Variants in LMO7 observed in about 807,000 individuals in gnomAD.
LMO7 encodes the protein LIM domain 7.
In LMO7, 120 loss-of-function variants were observed where a neutral mutation model predicts 206.5. That is an observed-to-expected ratio of 0.58 (90% CI 0.50 to 0.68). LMO7 has a LOEUF of 0.68. Among genes scored for constraint, LMO7 ranks in the 30% least tolerant of loss-of-function variants. The pLI, the probability that LMO7 is intolerant of heterozygous loss-of-function variation, is 0.00. For synonymous variants in LMO7, 706 were observed against 681.5 expected, an observed-to-expected ratio of 1.04 and a Z score of -0.56; for missense variants, 1,959 against 1,957.9, an observed-to-expected ratio of 1.00 and a Z score of -0.01.
At position 75,626,577 on chromosome 13, in the gene LMO7, T is replaced by TATATATATATATATATATATATATA. The variant is rs71127564; in HGVS notation, c.225+3257_225+3258insATATATATATATATATATATATATA. ...ATTGTCTACCCTCTTAACATATATATTATATATATATATATAAATTTTTTT... is the reference window on the plus strand; with the variant it reads ...ATTGTCTACCCTCTTAACATATATATATATATATATATATATATATATATATATATATATATATATAAATTTTTTT... On this transcript the variant is annotated intron_variant, in intron 2 of 29. Transcript: ENST00000341547. Among the ~76,000 whole-genome samples the TATATATATATATATATATATATATA allele has an allele frequency of 1.8e-3, 133 of 74,426 alleles. 14 individuals carry two copies. Among genetic ancestry groups the TATATATATATATATATATATATATA allele is most frequent in the African/African-American group, 4.5e-3 (104 of 22,878 alleles). The allele number at this position is 74,426 out of a possible 152,430, so 48.8% of individuals were successfully genotyped here.
At chr13:75,774,858 C>T (rs2050173893) in intron 4 of LMO7, among the ~76,000 whole-genome samples, 2 of 151,930 alleles carry the variant, frequency 1.3e-5, no homozygotes. Flanking sequence ...ATGAAATTAC[C>T]ATTTGGTTAT....
chr13:75,815,213 A>G (rs775036339), intron 11 of LMO7, among the ~76,000 whole-genome samples: 2 of 152,084 alleles, frequency 1.3e-5, no homozygotes, highest in African/African-American at 2.4e-5. Flanking sequence ...TGATGTGATA[A>G]TTGTTATAAT....
At chr13:75,691,805 C>T (rs988998014) in intron 1 of LMO7, among the ~76,000 whole-genome samples, 1 of 152,002 alleles carries the variant, frequency 6.6e-6, no homozygotes, top group Admixed American at 6.6e-5. Flanking sequence ...GATACTGACC[C>T]CCCATTCACC....
chr13:75,768,971 A>C (rs912813009), intron 4 of LMO7, among the ~76,000 whole-genome samples: 1 of 152,138 alleles, frequency 6.6e-6, no homozygotes, highest in Non-Finnish European at 1.5e-5. Flanking sequence ...GGCATTAAAA[A>C]ATTATAAATA....
chr13:75,723,660 T>A (rs2138482355), intron 2 of LMO7, among the ~76,000 whole-genome samples: 1 of 152,256 alleles, frequency 6.6e-6, no homozygotes, highest in Middle Eastern at 3.4e-3. Context: ...TTAAAGTGGG[T>A]TATATTCACT....
rs654431 is a variant in LMO7, at chr13:75,806,276, A to G, written c.1196+516A>G. ...GATGAGCCCAGGTGCCCCTGTCTGC[A>G]TGAGCCTGCCTGCTGCGGGTCTGGC... On this transcript the variant is annotated intron_variant, in intron 9 of 30. Coordinates refer to ENST00000377534, the MANE Select transcript of LMO7 (RefSeq NM_001306080.2). 3.4e-3 allele frequency: 3,350 copies of G among 987,982 alleles called. 89 individuals carry two copies. In the African/African-American group the frequency reaches 0.05, roughly 15 times the overall value. 61.2% of individuals were successfully genotyped at this position (987,982 alleles called of 1,614,324 possible).
At chr13:75,639,466 G>A (rs1346460987) in intron 1 of LMO7, among the ~76,000 whole-genome samples, 10 of 152,132 alleles carry the variant, frequency 6.6e-5, no homozygotes, top group African/African-American at 2.4e-4. Context: ...TAGCAGGGCT[G>A]GTTTATGATT....
chr13:75,803,202 T>C (rs2055001027), intron 7 of LMO7, among the ~76,000 whole-genome samples: 1 of 152,222 alleles, frequency 6.6e-6, no homozygotes, highest in Non-Finnish European at 1.5e-5. Context: ...CCTTTTACTC[T>C]GTCCCTGTCT....
At position 75,858,061 on chromosome 13, in the gene LMO7, C is replaced by A; in HGVS notation, c.*118C>A. 2 of 1,199,738 alleles carry A rather than the reference C, an allele frequency of 1.7e-6. No individual in the cohort carries two copies. Among genetic ancestry groups the A allele is most frequent in the Non-Finnish European group, 2.4e-6 (2 of 843,448 alleles). The allele number at this position is 1,199,738 out of a possible 1,614,324, so 74.3% of individuals were successfully genotyped here. A position where few individuals can be genotyped will look rare whatever the true frequency, so the allele number is the denominator to read the frequency against. On this transcript the variant is annotated 3_prime_UTR_variant, in exon 31 of 31. Transcript: ENST00000377534. ...GCTTTTTTTTTAAAAAAAAGAATAA[C>A]TTTTTTTGCCTCTTTAGATTACATA... is the stretch of plus-strand genomic sequence containing the variant.
At chr13:75,787,743 G>A (rs945193259) in intron 4 of LMO7, among the ~76,000 whole-genome samples, 6 of 152,256 alleles carry the variant, frequency 3.9e-5, no homozygotes, top group East Asian at 1.9e-4. Context: ...TGAGTCACAC[G>A]CCTCTAACGT....
chr13:75,755,971 T>G (rs183748155), intron 3 of LMO7, among the ~76,000 whole-genome samples: 5 of 152,226 alleles, frequency 3.3e-5, no homozygotes, highest in Non-Finnish European at 5.9e-5. Context: ...TTGCTGCTTT[T>G]GAAAATTGTC....
chr13:75,853,028 T>A, intron 27 of LMO7, 64 bp from the exon 28 acceptor site: 1 of 1,305,260 alleles, frequency 7.7e-7, no homozygotes, highest in South Asian at 1.4e-5. Flanking sequence ...AATGGAATGA[T>A]GAATTAAATA....
intron 2 of LMO7, among the ~76,000 whole-genome samples, chr13:75,714,804 T>A (rs73225961): frequency 0.077 from 11,674 of 152,100 alleles, 984 homozygotes; most frequent in African/African-American, 0.2. Context: ...TCTAGTAATG[T>A]TTAGAAGATG....
rs370128048 is a variant in LMO7, at chr13:75,628,879, C to T, written c.225+5559C>T. ...CATCCTAACTCCTCTCCACCCTACC[C>T]CACCACTTGCTGCAAGAAACTTGGG... On this transcript the variant is annotated intron_variant, in intron 2 of 29. Coordinates refer to the LMO7 transcript ENST00000341547. Among the ~76,000 whole-genome samples the T allele has an allele frequency of 2.7e-4, 41 of 152,328 alleles. 1 individual carries two copies. The highest frequency in any genetic ancestry group is 9.4e-4 in the African/African-American group (39 of 41,580).
intron 1 of LMO7, among the ~76,000 whole-genome samples, chr13:75,673,556 T>G (rs2039767697): frequency 6.6e-6 from 1 of 152,168 alleles, no homozygotes; most frequent in Non-Finnish European, 1.5e-5. Context: ...ATAAAGGCCA[T>G]TATACTGAGG....
At chr13:75,689,215 G>T (rs895700636) in intron 1 of LMO7, 1 of 152,002 alleles carries the variant, frequency 6.6e-6, no homozygotes, top group Non-Finnish European at 1.5e-5. Flanking sequence ...TTAATTTCAC[G>T]TCTCTAAGAG....
At chr13:75,855,512 C>T in intron 29 of LMO7, 144 bp downstream of exon 29, 1 of 504,536 alleles carries the variant, frequency 2.0e-6, no homozygotes, top group Non-Finnish European at 3.6e-6. Flanking sequence ...TCACAAATTG[C>T]TTGCTCCTCC....
intron 20 of LMO7, 117 bp downstream of exon 20, chr13:75,838,313 C>T (rs971117925): frequency 6.5e-7 from 1 of 1,541,794 alleles, no homozygotes; most frequent in African/African-American, 1.4e-5. Flanking sequence ...TCATTATGAC[C>T]AAGCGACATA....
At chr13:75,834,644 A>G (rs2058970903) in intron 17 of LMO7, among the ~76,000 whole-genome samples, 1 of 152,220 alleles carries the variant, frequency 6.6e-6, no homozygotes, top group Non-Finnish European at 1.5e-5. Flanking sequence ...TGCAAATACC[A>G]ACTGAAGACA....
Sources: allele counts gnomAD v4.1 joint callset (sites outside exome capture counted in the v4.1 genomes callset), GRCh38; gene constraint gnomAD v4.1.1; transcripts MANE v1.5; gene names NCBI Gene and HGNC (gene_info 2026-07-23, HGNC 2026-07-21).